Variants in PGAP6 observed in about 807,000 individuals in gnomAD.
PGAP6 encodes the protein post-GPI attachment to proteins 6, also known as post-GPI attachment to proteins factor 6.
A neutral mutation model predicts 68.4 loss-of-function variants in PGAP6; 62 were observed. The observed-to-expected ratio is 0.91, with a 90% CI of 0.74 to 1.12. The LOEUF is 1.12. Among genes scored for constraint, PGAP6 ranks in the 50% most tolerant of loss-of-function variants. The probability of loss-of-function intolerance (pLI) is 0.00; values close to 1 mark genes in which losing one functional copy is unlikely to be tolerated. For synonymous variants in PGAP6, 575 were observed against 474.0 expected (o/e 1.21, Z -2.77); for missense variants, 1,188 against 1,068.5 (o/e 1.11, Z -1.56).
Position 375,345 on chromosome 16 carries a change from C to G in PGAP6, c.1315G>C (p.Ala439Pro). The G allele has an allele frequency of 1.2e-6, 2 of 1,612,890 alleles. No homozygotes were observed. Among genetic ancestry groups the G allele is most frequent in the Non-Finnish European group, 1.7e-6 (2 of 1,179,946 alleles). The change falls in exon 7 of 13, where the codon GCC becomes CCC. Residue 439 changes from alanine (A) to proline (P), a missense_variant and splice_region_variant. By Grantham distance (27) the Ala-to-Pro change is conservative. Transcript: ENST00000431232. ...GFNTSLNCTT[A>P]FFQGYPLSLS... ...TGACGGTGACGCCTGCCCATCATAC[C>G]TGTGGTGCAGTTGAGCGAAGTATTG...
Position 374,685 on chromosome 16 carries a change from G to A in PGAP6, c.1576+71C>T. 3.2e-6 allele frequency: 5 copies of A among 1,586,832 alleles called. No homozygotes were observed. In the South Asian group the frequency reaches 5.7e-5, roughly 18 times the overall value. On this transcript the variant is annotated intron_variant, in intron 9 of 12. Coordinates refer to ENST00000431232, the MANE Select transcript of PGAP6 (RefSeq NM_021259.3). ...CAGCCCCTTGCGGCGCTCCCCCAGG[G>A]GAAAGGCACAGCACAGCACTGGAAG...
At chr16:375,868 G>A (rs996858972) in intron 6 of PGAP6, among the ~76,000 whole-genome samples, 1 of 152,140 alleles carries the variant, frequency 6.6e-6, no homozygotes, top group African/African-American at 2.4e-5. Flanking sequence ...GCAGGCCCAC[G>A]GTGCACCGGG....
upstream of PGAP6, among the ~76,000 whole-genome samples, chr16:385,310 A>T (rs2054474020): frequency 1.8e-5 from 2 of 112,400 alleles, no homozygotes; most frequent in African/African-American, 4.1e-5. Flanking sequence ...ATATACTCTG[A>T]TTTTTTTTTT....
chr16:373,276 G>A (rs940756245), intron 11 of PGAP6, among the ~76,000 whole-genome samples: 14 of 152,350 alleles, frequency 9.2e-5, no homozygotes, highest in Middle Eastern at 3.4e-3. Flanking sequence ...TACCCAGCCT[G>A]CAGTTCCCAG....
At chr16:376,003 C>T (rs2054378814) in intron 6 of PGAP6, 133 bp downstream of exon 6, 3 of 795,040 alleles carry the variant, frequency 3.8e-6, no homozygotes, top group Admixed American at 6.5e-5. Flanking sequence ...CAACATGGGC[C>T]CCTGTCTTGG....
rs753591947 is a variant in PGAP6 at position 376,713 on chromosome 16, CG to C, written c.734del (p.Pro245ArgfsTer36). The C allele has an allele frequency of 6.2e-7, 1 of 1,611,570 alleles. No individual in the cohort carries two copies. Among genetic ancestry groups the C allele is most frequent in the Non-Finnish European group, 8.5e-7 (1 of 1,179,750 alleles). ...LGCPVRLTVG[P>X]VTLPSNFQKV... ...TCTGGAAGTTGCTAGGCAGGGTGAC[CG>C]GGCCCACGGTGAGACGCACGGGGCA... On this transcript the variant is annotated frameshift_variant, in exon 5 of 13. Coordinates refer to ENST00000431232, the MANE Select transcript of PGAP6 (RefSeq NM_021259.3). LOFTEE classifies it high-confidence loss of function.
chr16:377,413 G>A lies in PGAP6; in HGVS notation c.472C>T (p.His158Tyr), dbSNP rs1308160072. Residue 158 changes from histidine (H) to tyrosine (Y), a missense_variant, in exon 3 of 13, where the codon CAC becomes TAC. By Grantham distance (83) the His-to-Tyr change is moderately conservative. Transcript: ENST00000431232. ...ATCTTCTGGGATGAGGGGGGCAGGT[G>A]GGCGGCCACGAACCAGTCCCCGGGG... ...PAPGDWFVAA[H>Y]LPPSSQKIEL... 6.2e-7 allele frequency: 1 copy of A among 1,606,926 alleles called. No homozygotes were observed. The highest frequency in any genetic ancestry group is 2.2e-5 in the East Asian group (1 of 44,658).
At chr16:384,058 G>A (rs1023821147), upstream of PGAP6, among the ~76,000 whole-genome samples, 1 of 152,230 alleles carries the variant, frequency 6.6e-6, no homozygotes, top group East Asian at 1.9e-4. Flanking sequence ...AGGCACGGAG[G>A]TCAGATTGCA....
chr16:381,419 C>G (rs2141767695), intron 1 of PGAP6, among the ~76,000 whole-genome samples: 1 of 151,674 alleles, frequency 6.6e-6, no homozygotes, highest in Admixed American at 6.5e-5. Context: ...CGCGCCGGAC[C>G]TGGGCGCTCT....
chr16:374,500 G>GA, intron 9 of PGAP6, 101 bp from the exon 10 acceptor site: 1 of 1,333,008 alleles, frequency 7.5e-7, no homozygotes, highest in Non-Finnish European at 1.0e-6. Context: ...CCTCACCCAG[G>GA]AGCAAGCAGG....
intron 1 of PGAP6, among the ~76,000 whole-genome samples, chr16:378,998 C>T (rs2054416381): frequency 6.6e-6 from 1 of 152,224 alleles, no homozygotes; most frequent in South Asian, 2.1e-4. Flanking sequence ...AGCCTCGTGC[C>T]CTTGCGACCT....
chr16:381,918 T>G lies in PGAP6; in HGVS notation c.-97A>C, dbSNP rs1597167343. On this transcript the variant is annotated 5_prime_UTR_variant, in exon 1 of 13. Coordinates refer to ENST00000431232, the MANE Select transcript of PGAP6 (RefSeq NM_021259.3). ...CTCTGCCGCCTCCGCCTCTGCCGCCTCCGCCTCTGCCCCCGGCGCCCATGG... is the reference window on the plus strand; with the variant it reads ...CTCTGCCGCCTCCGCCTCTGCCGCCGCCGCCTCTGCCCCCGGCGCCCATGG... The G allele has an allele frequency of 2.9e-6, 1 of 349,722 alleles. No homozygotes were observed. The highest frequency in any genetic ancestry group is 3.5e-5 in the African/African-American group (1 of 28,582). The allele number at this position is 349,722 out of a possible 1,614,324, so 21.7% of individuals were successfully genotyped here. A position where few individuals can be genotyped will look rare whatever the true frequency, so the allele number is the denominator to read the frequency against.
At chr16:374,470 AC>A in intron 9 of PGAP6, 71 bp from the exon 10 acceptor site, 2 of 1,438,288 alleles carry the variant, frequency 1.4e-6, no homozygotes, top group East Asian at 4.8e-5. Flanking sequence ...CTCACCCAGG[AC>A]CCTGCAGAGA....
intron 1 of PGAP6, 104 bp from the exon 2 acceptor site, chr16:377,952 C>T: frequency 9.7e-7 from 1 of 1,028,984 alleles, no homozygotes; most frequent in Non-Finnish European, 1.4e-6. Flanking sequence ...CCCCGGGGAC[C>T]CACCTGGAGA....
chr16:377,757 G>A lies in PGAP6; in HGVS notation c.213C>T (p.Arg71=), dbSNP rs145956638. ...GTAGAAGCACAGCATCTGGGGGCAC[G>A]CGGAAGCGGAAGAGCCTGGCACTGC... ...WYGSARLFRF[R]VPPDAVLLRW... is the part of the protein sequence containing the mutation. The change falls in exon 2 of 13, where the codon CGC becomes CGT. Residue 71 remains arginine (R), a synonymous_variant. Transcript: ENST00000431232. 3.6e-5 allele frequency: 57 copies of A among 1,592,002 alleles called. No individual in the cohort carries two copies. The highest frequency in any genetic ancestry group is 6.7e-5 in the African/African-American group (5 of 74,556).
At chr16:386,575 A>G (rs112629365), upstream of PGAP6, 20 of 332,658 alleles carry the variant, frequency 6.0e-5, no homozygotes, top group African/African-American at 3.3e-4. Context: ...GTGCCCAGAC[A>G]TCAGAGTTTC....
intron 12 of PGAP6, 87 bp downstream of exon 12, chr16:372,524 G>A: frequency 8.7e-7 from 1 of 1,145,122 alleles, no homozygotes; most frequent in South Asian, 1.2e-5. Flanking sequence ...ACTGGTTGGA[G>A]CAGGACCAGG....
At chr16:374,555 C>T (rs894666289) in intron 9 of PGAP6, among the ~76,000 whole-genome samples, 156 bp from the exon 10 acceptor site, 2 of 151,760 alleles carry the variant, frequency 1.3e-5, no homozygotes, top group African/African-American at 2.4e-5. Context: ...CAGTACCACC[C>T]CCCGGGGATA....
upstream of PGAP6, among the ~76,000 whole-genome samples, chr16:383,725 G>C (rs1023135470): frequency 1.3e-5 from 2 of 152,238 alleles, no homozygotes; most frequent in African/African-American, 4.8e-5. Flanking sequence ...CGAATGTCTG[G>C]AATGATCCAG....
Sources: gnomAD v4.1 joint callset for allele counts (sites outside exome capture counted in the v4.1 genomes callset) on GRCh38, gnomAD v4.1.1 for gene constraint, MANE v1.5 for transcripts, NCBI Gene and HGNC (gene_info 2026-07-23, HGNC 2026-07-21) for gene names.